The following PIEZO2 variants were observed in gnomAD, a reference collection of about 807,000 sequenced individuals.
The protein encoded by PIEZO2 is piezo type mechanosensitive ion channel component 2, also known as piezo-type mechanosensitive ion channel component 2.
PIEZO2 carries 172 observed loss-of-function variants against 337.3 expected under a neutral mutation model. That is an observed-to-expected ratio of 0.51 (90% CI 0.45 to 0.58). The LOEUF (loss-of-function observed/expected upper bound fraction) is 0.58. PIEZO2 is among the 20% of genes least tolerant of loss of function. PIEZO2 has a pLI of 0.00. For synonymous variants in PIEZO2, 1,251 were observed against 1,228.5 expected, an observed-to-expected ratio of 1.02 and a Z score of -0.38; for missense variants, 3,028 against 3,391.3, an observed-to-expected ratio of 0.89 and a Z score of 2.66.
At chr18:10,796,049 T>C (rs1453235285) in intron 12 of PIEZO2, among the ~76,000 whole-genome samples, 1 of 152,034 alleles carries the variant, frequency 6.6e-6, no homozygotes, top group Non-Finnish European at 1.5e-5. Context: ...CCACGGTTGC[T>C]TGATGCTCAT....
chr18:11,059,291 A>G (rs2037850606), intron 2 of PIEZO2, among the ~76,000 whole-genome samples: 1 of 152,250 alleles, frequency 6.6e-6, no homozygotes, highest in African/African-American at 2.4e-5. Context: ...AGTACCAGCC[A>G]CTGCAAAAAC....
chr18:10,965,526 GTCTA>G (rs1455123620), intron 3 of PIEZO2, among the ~76,000 whole-genome samples: 1 of 152,118 alleles, frequency 6.6e-6, no homozygotes, highest in Non-Finnish European at 1.5e-5. Flanking sequence ...AAAAACATCT[GTCTA>G]TCTATCTATC....
At chr18:10,735,857 C>T (rs2036975376) in intron 34 of PIEZO2, among the ~76,000 whole-genome samples, 1 of 152,214 alleles carries the variant, frequency 6.6e-6, no homozygotes, top group Non-Finnish European at 1.5e-5. Context: ...TGATGGACAT[C>T]ACTCTATGTG....
Position 10,684,917 on chromosome 18 carries a change from G to A in PIEZO2, c.7498-2625C>T, listed in dbSNP as rs889796020. Reference sequence around the variant, plus strand: ...GTCTCTTGCTCTGCTACCCAGACCAGAGTGCGGTGTCGTGATCATGGCTCA... The same window carrying A: ...GTCTCTTGCTCTGCTACCCAGACCAAAGTGCGGTGTCGTGATCATGGCTCA... On this transcript the variant is annotated intron_variant, in intron 49 of 55. Transcript: ENST00000674853. 1.3e-4 allele frequency among the ~76,000 whole-genome samples: 18 copies of A among 136,284 alleles called. 1 individual carries two copies. The highest frequency in any genetic ancestry group is 1.7e-5 in the Non-Finnish European group (1 of 57,996). 89.4% of individuals were successfully genotyped at this position (136,284 alleles called of 152,430 possible).
intron 42 of PIEZO2, among the ~76,000 whole-genome samples, chr18:10,702,855 T>A (rs1020875713): frequency 6.6e-6 from 1 of 152,106 alleles, no homozygotes; most frequent in Non-Finnish European, 1.5e-5. Context: ...TATATAGAAA[T>A]ATTTTATTTA....
rs2039673334 is a variant in PIEZO2 at position 11,109,709 on chromosome 18, C to G, written c.64+38816G>C. Among the ~76,000 whole-genome samples, 1 of 151,436 alleles carries G rather than the reference C, an allele frequency of 6.6e-6. No individual in the cohort carries two copies. Among genetic ancestry groups the G allele is most frequent in the East Asian group, 1.9e-4 (1 of 5,158 alleles). Reference sequence around the variant, plus strand: ...CTCCAGCCTGGAAGACAGAGTGAGACTCCATCTCAAAAAAAAAAGGTACTA... The same window carrying G: ...CTCCAGCCTGGAAGACAGAGTGAGAGTCCATCTCAAAAAAAAAAGGTACTA... On this transcript the variant is annotated intron_variant, in intron 1 of 55. Transcript: ENST00000674853. This position sits in a 1 kb window ranked among gnomAD's most constrained non-coding sequence, Gnocchi z 5.1.
intron 35 of PIEZO2, among the ~76,000 whole-genome samples, chr18:10,734,928 A>C (rs1256202632): frequency 6.6e-6 from 1 of 152,206 alleles, no homozygotes; most frequent in Non-Finnish European, 1.5e-5. Flanking sequence ...TGACCCTTTT[A>C]AAATGAGATG....
At chr18:11,136,868 G>A (rs2040504790) in intron 1 of PIEZO2, among the ~76,000 whole-genome samples, 1 of 151,822 alleles carries the variant, frequency 6.6e-6, no homozygotes, top group Non-Finnish European at 1.5e-5. Context: ...ATTACATTCA[G>A]TATTTTACTC....
intron 44 of PIEZO2, 89 bp downstream of exon 44, chr18:10,698,836 A>G (rs2035210993): frequency 1.4e-6 from 2 of 1,459,310 alleles, no homozygotes; most frequent in East Asian, 4.9e-5. Context: ...AGCACCCAAT[A>G]CACTCCCTTG....
chr18:11,085,533 C>T (rs146730174), intron 1 of PIEZO2, among the ~76,000 whole-genome samples: 1 of 152,316 alleles, frequency 6.6e-6, no homozygotes, highest in Non-Finnish European at 1.5e-5. Flanking sequence ...GCCCTTGCTA[C>T]ATCCAACCCC....
chr18:11,143,629 A>ACTCT lies in PIEZO2; in HGVS notation c.64+4895_64+4896insAGAG, dbSNP rs2040723398. Among the ~76,000 whole-genome samples, 3 of 87,114 alleles carry ACTCT rather than the reference A, an allele frequency of 3.4e-5. No individual in the cohort carries two copies. The highest frequency in any genetic ancestry group is 1.2e-4 in the Admixed American group (1 of 8,660). 57.2% of individuals were successfully genotyped at this position (87,114 alleles called of 152,430 possible). A position where few individuals can be genotyped will look rare whatever the true frequency, so the allele number is the denominator to read the frequency against. On this transcript the variant is annotated intron_variant, in intron 1 of 55. Coordinates refer to ENST00000674853, the MANE Select transcript of PIEZO2 (RefSeq NM_001378183.1). This position sits in a 1 kb window ranked among gnomAD's most constrained non-coding sequence, Gnocchi z 4.9. ...CACACACACACACACACACACACAC[A>ACTCT]CACACACACACTCTCTCTCTCTCTC...
chr18:11,144,110 C>T (rs956508445), intron 1 of PIEZO2, among the ~76,000 whole-genome samples: 1 of 152,162 alleles, frequency 6.6e-6, no homozygotes, highest in Non-Finnish European at 1.5e-5. Flanking sequence ...AAGCCATCTG[C>T]TTATCTCTGA....
chr18:10,711,114 T>G (rs1369507856), intron 39 of PIEZO2, among the ~76,000 whole-genome samples: 3 of 152,236 alleles, frequency 2.0e-5, no homozygotes, highest in African/African-American at 7.2e-5. Flanking sequence ...ACTCACAATT[T>G]TTTATCATGA....
intron 2 of PIEZO2, among the ~76,000 whole-genome samples, chr18:11,023,230 C>T (rs1165641480): frequency 6.6e-6 from 1 of 152,098 alleles, no homozygotes; most frequent in Non-Finnish European, 1.5e-5. Context: ...TCTTATCTGG[C>T]CCCACCCACA....
intron 1 of PIEZO2, among the ~76,000 whole-genome samples, chr18:11,142,232 T>C (rs772837374): frequency 2.0e-5 from 3 of 152,180 alleles, no homozygotes; most frequent in South Asian, 4.1e-4. Context: ...CAACAACACA[T>C]TGAAAAAATG....
intron 33 of PIEZO2, chr18:10,740,790 C>T (rs775913444): frequency 1.8e-4 from 120 of 650,780 alleles, no homozygotes; most frequent in Non-Finnish European, 2.6e-4. Flanking sequence ...CTATAAGCCA[C>T]GTGTTTGGCT....
chr18:11,088,344 C>T (rs1193691914), intron 1 of PIEZO2, among the ~76,000 whole-genome samples: 1 of 152,200 alleles, frequency 6.6e-6, no homozygotes, highest in African/African-American at 2.4e-5. Flanking sequence ...TGCCACAACA[C>T]ATTTCTTAAA....
rs2033712801 is a variant in PIEZO2 at position 10,670,260 on chromosome 18, T to A, written c.*1267A>T. On this transcript the variant is annotated 3_prime_UTR_variant, in exon 56 of 56. Coordinates refer to ENST00000674853, the MANE Select transcript of PIEZO2 (RefSeq NM_001378183.1). The stretch of plus-strand genomic sequence containing the variant: ...ATATTCTTAAAATGACTTTGCAGGA[T>A]GTGCTTTATTTTAAGTCAGCCCTGA... 1 of 152,206 alleles carries A rather than the reference T, an allele frequency of 6.6e-6. No individual in the cohort carries two copies. Among genetic ancestry groups the A allele is most frequent in the South Asian group, 2.1e-4 (1 of 4,830 alleles). The allele number at this position is 152,206 out of a possible 1,614,324, so 9.4% of individuals were successfully genotyped here. A position where few individuals can be genotyped will look rare whatever the true frequency, so the allele number is the denominator to read the frequency against.
intron 3 of PIEZO2, among the ~76,000 whole-genome samples, chr18:10,930,258 A>T (rs1340926384): frequency 6.6e-6 from 1 of 152,184 alleles, no homozygotes; most frequent in African/African-American, 2.4e-5. Context: ...AAAAGACATT[A>T]GCATCTATTG....
Sources: allele counts gnomAD v4.1 joint callset (sites outside exome capture counted in the v4.1 genomes callset), GRCh38; gene constraint gnomAD v4.1.1; non-coding constraint Gnocchi (gnomAD v3.1); transcripts MANE v1.5; gene names NCBI Gene and HGNC (gene_info 2026-07-23, HGNC 2026-07-21).